SBF2: variants seen among roughly 807,000 people sequenced by gnomAD.
The protein encoded by SBF2 is SET binding factor 2.
Under a neutral mutation model 225.2 loss-of-function variants are expected in SBF2, and 112 were observed. The observed-to-expected ratio is 0.50, with a 90% CI of 0.43 to 0.58. The LOEUF (loss-of-function observed/expected upper bound fraction) is 0.58. Among genes scored for constraint, SBF2 ranks in the 20% least tolerant of loss-of-function variants. The pLI, the probability that SBF2 is intolerant of heterozygous loss-of-function variation, is 0.00. For synonymous variants in SBF2, 763 were observed against 773.3 expected (o/e 0.99, Z 0.22); for missense variants, 1,996 against 2,206.2 (o/e 0.90, Z 1.91).
intron 1 of SBF2, 98 bp downstream of exon 1, chr11:10,293,917 T>G (rs1366378343): frequency 9.1e-6 from 8 of 881,740 alleles, no homozygotes; most frequent in Non-Finnish European, 8.9e-6. Flanking sequence ...GGCCTGGCCC[T>G]CCCCGACGCC....
At chr11:10,071,116 T>C (rs1950849786) in intron 2 of SBF2, among the ~76,000 whole-genome samples, 1 of 152,144 alleles carries the variant, frequency 6.6e-6, no homozygotes. Context: ...ACAGAGACAA[T>C]TTGACTTCCT....
At chr11:10,003,816 A>G (rs1948076421) in intron 6 of SBF2, among the ~76,000 whole-genome samples, 3 of 152,098 alleles carry the variant, frequency 2.0e-5, no homozygotes, top group African/African-American at 7.2e-5. Flanking sequence ...TACTTATGAA[A>G]TTGAAGTTAT....
At chr11:9,875,046 T>C (rs1859104092) in intron 17 of SBF2, among the ~76,000 whole-genome samples, 1 of 152,182 alleles carries the variant, frequency 6.6e-6, no homozygotes, top group Non-Finnish European at 1.5e-5. Context: ...TGTATTTATT[T>C]TGGAAAGATT....
At chr11:9,985,104 A>G (rs1333331316) in intron 13 of SBF2, among the ~76,000 whole-genome samples, 2 of 152,224 alleles carry the variant, frequency 1.3e-5, no homozygotes, top group African/African-American at 4.8e-5. Context: ...TCACATTTCA[A>G]TACTAACATT....
At chr11:10,115,815 G>A (rs1304484950) in intron 2 of SBF2, among the ~76,000 whole-genome samples, 1 of 152,138 alleles carries the variant, frequency 6.6e-6, no homozygotes, top group African/African-American at 2.4e-5. Context: ...ACTTTCTGAT[G>A]ATCAGGTAGA....
intron 17 of SBF2, among the ~76,000 whole-genome samples, chr11:9,874,555 G>C (rs1859057897): frequency 6.6e-6 from 1 of 152,118 alleles, no homozygotes; most frequent in South Asian, 2.1e-4. Flanking sequence ...CAAATTGTAG[G>C]ATGCCTCCAT....
At chr11:9,977,830 C>T (rs972492228) in intron 13 of SBF2, among the ~76,000 whole-genome samples, 16 of 152,152 alleles carry the variant, frequency 1.1e-4, no homozygotes, top group Admixed American at 2.0e-4. Context: ...AGCTCAGTTA[C>T]AATTCATCCT....
At chr11:10,072,587 C>T (rs1425013849) in intron 2 of SBF2, among the ~76,000 whole-genome samples, 2 of 151,560 alleles carry the variant, frequency 1.3e-5, no homozygotes, top group African/African-American at 4.8e-5. Context: ...ATTCCTTTTC[C>T]TTTCTTGTAA....
intron 1 of SBF2, among the ~76,000 whole-genome samples, chr11:10,229,274 G>A (rs1177804812): frequency 6.6e-6 from 1 of 152,056 alleles, no homozygotes; most frequent in Non-Finnish European, 1.5e-5. Flanking sequence ...CCAGCTCCTG[G>A]ATTCATTGAT....
In SBF2 at chr11:9,793,184, C is replaced by T. The variant is rs141609595; in HGVS notation, c.4571-2501G>A. Among the ~76,000 whole-genome samples, 77 of 151,902 alleles carry T rather than the reference C, an allele frequency of 5.1e-4. No individual in the cohort carries two copies. The East Asian group carries it at 7.9e-3, about 16-fold the overall frequency. Reference sequence around the variant, plus strand: ...TATATACCAAACATATCTTTTTATCCGCATCATTGTATTTAATCTTTTCAA... The same window carrying T: ...TATATACCAAACATATCTTTTTATCTGCATCATTGTATTTAATCTTTTCAA... On this transcript the variant is annotated intron_variant, in intron 33 of 39. Coordinates refer to ENST00000256190, the MANE Select transcript of SBF2 (RefSeq NM_030962.4).
intron 25 of SBF2, among the ~76,000 whole-genome samples, chr11:9,840,446 A>C (rs1237164595): frequency 6.6e-6 from 1 of 152,200 alleles, no homozygotes; most frequent in Non-Finnish European, 1.5e-5. Flanking sequence ...TCAACTAAAA[A>C]ATGTCAGGAA....
In SBF2 at chr11:9,968,586, T is replaced by C. The variant is rs1480745791; in HGVS notation, c.1396-41A>G. The C allele has an allele frequency of 2.0e-6, 3 of 1,511,514 alleles. No individual in the cohort carries two copies. In the South Asian group the frequency reaches 3.4e-5, roughly 17 times the overall value. 93.6% of individuals were successfully genotyped at this position (1,511,514 alleles called of 1,614,324 possible). On this transcript the variant is annotated intron_variant, in intron 13 of 39. Coordinates refer to ENST00000256190, the MANE Select transcript of SBF2 (RefSeq NM_030962.4). ...TAGGTAAAATTACTCCAAGTTAAAA[T>C]AACAATGGCAGATCACCAGGAAGGG...
intron 16 of SBF2, among the ~76,000 whole-genome samples, chr11:9,950,798 C>T (rs1470702741): frequency 6.6e-6 from 1 of 152,146 alleles, no homozygotes; most frequent in Non-Finnish European, 1.5e-5. Flanking sequence ...TGTGAAGGGA[C>T]AGAAACTCAG....
intron 32 of SBF2, among the ~76,000 whole-genome samples, chr11:9,798,713 G>A (rs557563691): frequency 3.9e-5 from 6 of 152,280 alleles, no homozygotes; most frequent in African/African-American, 9.6e-5. Flanking sequence ...TTGGGAGGCC[G>A]AGGCGGGTGG....
chr11:10,247,297 A>G (rs1388131235), intron 1 of SBF2, among the ~76,000 whole-genome samples: 2 of 152,236 alleles, frequency 1.3e-5, no homozygotes, highest in Non-Finnish European at 2.9e-5. Context: ...AAAGGATAAT[A>G]TAGCAAAGCA....
intron 2 of SBF2, among the ~76,000 whole-genome samples, chr11:10,098,328 T>C (rs1590950392): frequency 6.6e-6 from 1 of 152,100 alleles, no homozygotes; most frequent in Non-Finnish European, 1.5e-5. Flanking sequence ...AGAGTAGTTA[T>C]ATCCACAGAA....
chr11:9,942,903 GAAAGAAAGAAAGAAAGAAAGAAAGAA>G (rs1865350736), intron 16 of SBF2, among the ~76,000 whole-genome samples: 2 of 139,898 alleles, frequency 1.4e-5, no homozygotes, highest in Non-Finnish European at 1.5e-5. Flanking sequence ...GAGAGAGAGA[GAAAGAAAGAAAGAAAGAAAGAAAGAA>G]AGAAAGAAAG....
chr11:9,942,570 A>T (rs12789519), intron 16 of SBF2, among the ~76,000 whole-genome samples: 1 of 152,240 alleles, frequency 6.6e-6, no homozygotes, highest in Non-Finnish European at 1.5e-5. Context: ...TCTTAGGAAG[A>T]TACAGCATGG....
chr11:10,181,422 T>A (rs912720775), intron 2 of SBF2, among the ~76,000 whole-genome samples: 1 of 152,100 alleles, frequency 6.6e-6, no homozygotes, highest in African/African-American at 2.4e-5. Flanking sequence ...ATCTTAACTT[T>A]ATACAAATTT....
Sources: allele counts gnomAD v4.1 joint callset (sites outside exome capture counted in the v4.1 genomes callset), GRCh38; gene constraint gnomAD v4.1.1; transcripts MANE v1.5; gene names NCBI Gene and HGNC (gene_info 2026-07-23, HGNC 2026-07-21).